ASTN2: variants seen among roughly 807,000 people sequenced by gnomAD.
ASTN2 encodes the protein astrotactin 2, also known as astrotactin-2.
ASTN2 carries 54 observed loss-of-function variants against 139.8 expected under a neutral mutation model. The observed-to-expected ratio is 0.39, with a 90% CI of 0.31 to 0.48. The LOEUF is 0.48. ASTN2 is among the 20% of genes least tolerant of loss of function. ASTN2 has a pLI of 0.95. For missense variants in ASTN2, 1,565 were observed against 1,725.1 expected (o/e 0.91, Z 1.64); for synonymous variants, 756 against 719.5 (o/e 1.05, Z -0.81).
chr9:116,474,942 G>GC, intron 20 of ASTN2, among the ~76,000 whole-genome samples: 1 of 152,160 alleles, frequency 6.6e-6, no homozygotes, highest in Non-Finnish European at 1.5e-5. Flanking sequence ...GATGGTCACA[G>GC]CCTACTGGTA....
chr9:117,166,311 CT>C (rs1310404921), intron 3 of ASTN2, among the ~76,000 whole-genome samples: 1 of 152,070 alleles, frequency 6.6e-6, no homozygotes, highest in African/African-American at 2.4e-5. Context: ...TATGGCTCCC[CT>C]GTCTCTCTCC....
chr9:116,801,330 C>T (rs1164232124), intron 13 of ASTN2, among the ~76,000 whole-genome samples: 1 of 151,738 alleles, frequency 6.6e-6, no homozygotes, highest in Admixed American at 6.6e-5. Flanking sequence ...CGCCTGTAAT[C>T]CCAGCACTTT....
intron 3 of ASTN2, among the ~76,000 whole-genome samples, chr9:117,165,388 G>A (rs1830647809): frequency 6.6e-6 from 1 of 152,034 alleles, no homozygotes; most frequent in African/African-American, 2.4e-5. Flanking sequence ...GGGCAGCAAG[G>A]GGCAAGGCTT....
chr9:117,106,646 A>ATT (rs141895875), intron 4 of ASTN2, among the ~76,000 whole-genome samples: 2,034 of 152,308 alleles, frequency 0.013, 47 homozygotes, highest in African/African-American at 0.046. Flanking sequence ...ATCAAGTCAA[A>ATT]TTTTATTACT....
chr9:116,631,046 CA>C (rs1469439304), intron 17 of ASTN2, among the ~76,000 whole-genome samples: 2 of 152,016 alleles, frequency 1.3e-5, no homozygotes, highest in African/African-American at 4.8e-5. Flanking sequence ...ACAAAAAAGA[CA>C]AAAAATAACA....
intron 19 of ASTN2, among the ~76,000 whole-genome samples, chr9:116,597,020 G>A (rs1298582549): frequency 6.6e-6 from 1 of 152,148 alleles, no homozygotes; most frequent in Non-Finnish European, 1.5e-5. Flanking sequence ...AACTCAAGAA[G>A]GGAAAGAGTT....
At chr9:117,164,460 G>A (rs78227897) in intron 3 of ASTN2, among the ~76,000 whole-genome samples, 2,566 of 152,188 alleles carry the variant, frequency 0.017, 24 homozygotes, top group Non-Finnish European at 0.027. Context: ...CATAAATAAA[G>A]GAGAGCAGAA....
At chr9:117,188,325 A>G (rs910285559) in intron 3 of ASTN2, among the ~76,000 whole-genome samples, 9 of 152,136 alleles carry the variant, frequency 5.9e-5, no homozygotes, top group African/African-American at 1.7e-4. Context: ...CCTAGTCAGG[A>G]AAGTTTAAGA....
At chr9:117,145,902 CT>C (rs1361580276) in intron 3 of ASTN2, among the ~76,000 whole-genome samples, 1 of 152,012 alleles carries the variant, frequency 6.6e-6, no homozygotes, top group Non-Finnish European at 1.5e-5. Context: ...CTTCTTTCTT[CT>C]AAGCTGATAC....
chr9:117,066,096 C>T (rs1178932822), intron 5 of ASTN2, among the ~76,000 whole-genome samples: 1 of 147,092 alleles, frequency 6.8e-6, no homozygotes, highest in East Asian at 2.0e-4. Context: ...TATACATGTG[C>T]CATGCTGGTG....
At position 116,598,716 on chromosome 9, in the gene ASTN2, C is replaced by A. The variant is rs150060806; in HGVS notation, c.3355+19608G>T. Among the ~76,000 whole-genome samples, 386 of 152,244 alleles carry A rather than the reference C, an allele frequency of 2.5e-3. 2 individuals are homozygous for A. Among genetic ancestry groups the A allele is most frequent in the African/African-American group, 8.0e-3 (334 of 41,546 alleles). ...GCATCTCTACTTTATTCATTCAGTG[C>A]TCTCATTTAATGATTACTCATTAGA... On this transcript the variant is annotated intron_variant, in intron 19 of 22. Coordinates refer to ENST00000313400, the MANE Select transcript of ASTN2 (RefSeq NM_001365068.1).
chr9:117,202,914 T>C (rs1831775371), intron 3 of ASTN2, among the ~76,000 whole-genome samples: 1 of 152,166 alleles, frequency 6.6e-6, no homozygotes, highest in African/African-American at 2.4e-5. Context: ...CCTGAATATA[T>C]ATCCTGAGGT....
chr9:117,020,340 G>C (rs1837841301), intron 6 of ASTN2, among the ~76,000 whole-genome samples: 1 of 148,960 alleles, frequency 6.7e-6, no homozygotes, highest in South Asian at 2.2e-4. Flanking sequence ...ATGAAAAATT[G>C]CTTTTTTTTT....
intron 19 of ASTN2, among the ~76,000 whole-genome samples, chr9:116,531,990 A>G (rs1419967306): frequency 1.3e-5 from 2 of 152,168 alleles, no homozygotes; most frequent in Non-Finnish European, 2.9e-5. Context: ...CAACAGTGTA[A>G]AAGTGTTCCT....
intron 7 of ASTN2, among the ~76,000 whole-genome samples, chr9:116,992,289 C>T (rs914596748): frequency 6.6e-6 from 1 of 152,154 alleles, no homozygotes; most frequent in Non-Finnish European, 1.5e-5. Context: ...TAGAAGGAAG[C>T]CTTGGGCCAG....
chr9:117,059,414 G>T (rs907525407), intron 5 of ASTN2, among the ~76,000 whole-genome samples: 1 of 151,884 alleles, frequency 6.6e-6, no homozygotes, highest in Non-Finnish European at 1.5e-5. Flanking sequence ...GAGTTCGAGA[G>T]CAGCCTGACC....
intron 19 of ASTN2, among the ~76,000 whole-genome samples, chr9:116,515,836 G>A (rs1850625138): frequency 6.6e-6 from 1 of 152,112 alleles, no homozygotes; most frequent in African/African-American, 2.4e-5. Flanking sequence ...AGAATGTTTG[G>A]CTTTTTTTGA....
chr9:116,831,735 G>C (rs1831820249), intron 11 of ASTN2, among the ~76,000 whole-genome samples: 1 of 152,136 alleles, frequency 6.6e-6, no homozygotes, highest in South Asian at 2.1e-4. Flanking sequence ...TTCAAAAGAA[G>C]TTTTGGCCAT....
rs193167735 is a variant in ASTN2 at position 116,620,461 on chromosome 9, A to G, written c.3073-18T>C. ...TTGAAGGCCTGGACAAAAAAAGAGG[A>G]CAGAATAGACAATGATGACAACAGG... is the stretch of plus-strand genomic sequence containing the variant. On this transcript the variant is annotated intron_variant, in intron 17 of 22. Transcript: ENST00000313400. The G allele has an allele frequency of 7.4e-6, 12 of 1,613,912 alleles. No individual in the cohort carries two copies. The East Asian group carries it at 2.2e-4, about 30-fold the overall frequency.
Sources: gnomAD v4.1 joint callset for allele counts (sites outside exome capture counted in the v4.1 genomes callset) on GRCh38, gnomAD v4.1.1 for gene constraint, MANE v1.5 for transcripts, NCBI Gene and HGNC (gene_info 2026-07-23, HGNC 2026-07-21) for gene names.